TADA2B: variants seen among roughly 807,000 people sequenced by gnomAD.
TADA2B encodes the protein transcriptional adaptor 2B, also known as transcriptional adapter 2-beta.
A neutral mutation model predicts 34.5 loss-of-function variants in TADA2B; 13 were observed. The observed-to-expected ratio is 0.38, with a 90% CI of 0.25 to 0.60. The LOEUF (loss-of-function observed/expected upper bound fraction) is 0.60. TADA2B is among the 20% of genes least tolerant of loss of function. TADA2B has a pLI of 0.65. For missense variants in TADA2B, 442 were observed against 575.0 expected, an observed-to-expected ratio of 0.77 and a Z score of 2.37; for synonymous variants, 240 against 243.4, an observed-to-expected ratio of 0.99 and a Z score of 0.13.
In TADA2B at chr4:7,054,287, T is replaced by G; in HGVS notation, c.496T>G (p.Tyr166Asp). The change falls in exon 2 of 2, where the codon TAC (tyrosine) becomes GAC (aspartate). Residue 166 changes from tyrosine (Y) to aspartate (D), a missense_variant. Coordinates refer to ENST00000310074, the MANE Select transcript of TADA2B (RefSeq NM_152293.3). ...ISVAEQQQLG[Y>D]MPLRDDYEIE... The stretch of plus-strand genomic sequence containing the variant: ...TGTGGCTGAGCAGCAGCAGCTGGGC[T>G]ACATGCCGCTGCGGGATGATTACGA... 6.2e-7 allele frequency: 1 copy of G among 1,613,072 alleles called. No individual in the cohort carries two copies. Among genetic ancestry groups the G allele is most frequent in the Non-Finnish European group, 8.5e-7 (1 of 1,179,774 alleles).
At chr4:7,049,880 G>A (rs1299729352) in intron 1 of TADA2B, among the ~76,000 whole-genome samples, 2 of 152,266 alleles carry the variant, frequency 1.3e-5, no homozygotes, top group Non-Finnish European at 2.9e-5. Flanking sequence ...GCTCTGTCCT[G>A]CCGCTAGCTG....
chr4:7,052,510 G>A (rs892570220), intron 1 of TADA2B, among the ~76,000 whole-genome samples: 1 of 152,224 alleles, frequency 6.6e-6, no homozygotes, highest in African/African-American at 2.4e-5. Context: ...AGGGGACTTC[G>A]CGCTCGCTGT....
At chr4:7,048,141 T>G (rs888519614) in intron 1 of TADA2B, among the ~76,000 whole-genome samples, 2 of 151,962 alleles carry the variant, frequency 1.3e-5, no homozygotes, top group Admixed American at 6.6e-5. Flanking sequence ...GAGGCCGAGG[T>G]CTGGAAATTT....
intron 1 of TADA2B, chr4:7,053,160 AATG>A (rs1485031572): frequency 6.6e-6 from 1 of 152,332 alleles, no homozygotes; most frequent in African/African-American, 2.4e-5. Flanking sequence ...GTGGCCAGGG[AATG>A]AGTGCGCACT....
Position 7,054,442 on chromosome 4 carries a change from G to A in TADA2B, c.651G>A (p.Gln217=). The change falls in exon 2 of 2, where the codon CAG becomes CAA. Residue 217 remains glutamine (Q), a synonymous_variant. Coordinates refer to ENST00000310074, the MANE Select transcript of TADA2B (RefSeq NM_152293.3). ...DMYVRKLKER[Q]RRKNIARDYN... ...ACGTGCGGAAGCTGAAAGAGAGACA[G>A]CGGCGGAAGAACATCGCCCGTGACT... is the stretch of plus-strand genomic sequence containing the variant. The A allele has an allele frequency of 6.2e-7, 1 of 1,613,728 alleles. No individual in the cohort carries two copies. Among genetic ancestry groups the A allele is most frequent in the African/African-American group, 1.3e-5 (1 of 75,056 alleles).
In TADA2B at chr4:7,054,590, T is replaced by G. The variant is rs766858303; in HGVS notation, c.799T>G (p.Ser267Ala). ...LKLRPLYQFM[S>A]CKEFDDLFEN... ...GCTGAGGCCGCTGTACCAGTTCATG[T>G]CATGCAAGGAGTTTGATGACCTTTT... is the stretch of plus-strand genomic sequence containing the variant. The change falls in exon 2 of 2, where the codon TCA becomes GCA. Residue 267 changes from serine to alanine, a missense_variant. This residue lies in a region of TADA2B where 222 missense variants were observed against 235.2 expected (regional missense o/e 0.94). Coordinates refer to ENST00000310074, the MANE Select transcript of TADA2B (RefSeq NM_152293.3). 5 of 1,613,882 alleles carry G rather than the reference T, an allele frequency of 3.1e-6. No individual in the cohort carries two copies. The highest frequency in any genetic ancestry group is 4.2e-6 in the Non-Finnish European group (5 of 1,179,886).
rs747444184 is a variant in TADA2B, at chr4:7,049,189, C to G, written c.271-4873C>G. Among the ~76,000 whole-genome samples the G allele has an allele frequency of 9.7e-4, 148 of 152,304 alleles. 1 individual carries two copies. In the Middle Eastern group the frequency reaches 0.01, roughly 11 times the overall value. On this transcript the variant is annotated intron_variant, in intron 1 of 1. Coordinates refer to ENST00000310074, the MANE Select transcript of TADA2B (RefSeq NM_152293.3). ...CACCTCCTGGGCTCAAGCGATCCTC[C>G]TACCTCAGCCTCTCAAGTAGCTGGG... is the stretch of plus-strand genomic sequence containing the variant.
chr4:7,054,399 G>A lies in TADA2B; in HGVS notation c.608G>A (p.Arg203His), dbSNP rs779180780. Residue 203 changes from arginine (R) to histidine (H), a missense_variant, in exon 2 of 2, where the codon CGC becomes CAC. Around this residue, in one of 4 missense-constraint regions of TADA2B, gnomAD observed 222 missense variants for 235.2 expected, o/e 0.94. Coordinates refer to ENST00000310074, the MANE Select transcript of TADA2B (RefSeq NM_152293.3). ...DDDDVEIELK[R>H]AHVDMYVRKL... is the part of the protein sequence containing the mutation. ...GACGACGTGGAGATCGAGCTGAAGC[G>A]CGCCCACGTGGACATGTACGTGCGG... 3.8e-5 allele frequency: 61 copies of A among 1,613,446 alleles called. No homozygotes were observed. Among genetic ancestry groups the A allele is most frequent in the Non-Finnish European group, 5.1e-5 (60 of 1,179,870 alleles).
intron 1 of TADA2B, among the ~76,000 whole-genome samples, chr4:7,052,610 G>T (rs1245639373): frequency 6.6e-6 from 1 of 152,198 alleles, no homozygotes; most frequent in Non-Finnish European, 1.5e-5. Context: ...TGACAGACCC[G>T]AGGCTCAGAG....
At position 7,043,735 on chromosome 4, in the gene TADA2B, G is replaced by A; in HGVS notation, c.156G>A (p.Gln52=). Residue 52 remains glutamine (Q), a synonymous_variant, in exon 1 of 2, where the codon CAG becomes CAA. Transcript: ENST00000310074. The part of the protein sequence containing the change: ...IGHHRRYHGY[Q]LVDGGRFTLW... ...ACCACCGCCGCTACCACGGCTACCA[G>A]CTGGTGGACGGCGGGCGCTTCACGC... 1 of 1,588,836 alleles carries A rather than the reference G, an allele frequency of 6.3e-7. No individual in the cohort carries two copies. The highest frequency in any genetic ancestry group is 1.3e-5 in the African/African-American group (1 of 74,162).
chr4:7,045,768 C>T (rs558633720), intron 1 of TADA2B: 3 of 152,388 alleles, frequency 2.0e-5, no homozygotes, highest in African/African-American at 7.2e-5. Context: ...ACCAGTTTGA[C>T]TTCAGAGCCT....
chr4:7,054,726 G>A lies in TADA2B; in HGVS notation c.935G>A (p.Arg312Gln), dbSNP rs762223816. The stretch of plus-strand genomic sequence containing the variant: ...GAGTCGGCAGAGTACGAGGCAGCGC[G>A]GCATAAACGGGAGAAGAGGAAGGAG... ...MEESAEYEAA[R>Q]HKREKRKENK... Residue 312 changes from arginine (R) to glutamine (Q), a missense_variant, in exon 2 of 2, where the codon CGG becomes CAG. This residue lies in a region of TADA2B where 114 missense variants were observed against 144.7 expected (regional missense o/e 0.79). Coordinates refer to ENST00000310074, the MANE Select transcript of TADA2B (RefSeq NM_152293.3). The A allele has an allele frequency of 4.3e-6, 7 of 1,613,884 alleles. No homozygotes were observed. Among genetic ancestry groups the A allele is most frequent in the Non-Finnish European group, 5.9e-6 (7 of 1,179,888 alleles).
Position 7,054,403 on chromosome 4 carries a change from C to T in TADA2B, c.612C>T (p.Ala204=), listed in dbSNP as rs567853124. 10 of 1,613,148 alleles carry T rather than the reference C, an allele frequency of 6.2e-6. No individual in the cohort carries two copies. In the African/African-American group the frequency reaches 1.2e-4, roughly 19 times the overall value. The change falls in exon 2 of 2, where the codon GCC becomes GCT. Residue 204 remains alanine, a synonymous_variant. Transcript: ENST00000310074. The stretch of plus-strand genomic sequence containing the variant: ...ACGTGGAGATCGAGCTGAAGCGCGC[C>T]CACGTGGACATGTACGTGCGGAAGC... The part of the protein sequence containing the change: ...DDDVEIELKR[A]HVDMYVRKLK...
chr4:7,046,569 G>A (rs955651201), intron 1 of TADA2B, among the ~76,000 whole-genome samples: 5 of 152,250 alleles, frequency 3.3e-5, no homozygotes, highest in African/African-American at 1.2e-4. Context: ...CATTCTGGGT[G>A]AGAGCATTAA....
At position 7,045,775 on chromosome 4, in the gene TADA2B, G is replaced by A. The variant is rs1203509895; in HGVS notation, c.270+1926G>A. Reference sequence around the variant, plus strand: ...TTGGACGGACCAGTTTGACTTCAGAGCCTGTACTCTTAACTTCACTGTCTG... The same window carrying A: ...TTGGACGGACCAGTTTGACTTCAGAACCTGTACTCTTAACTTCACTGTCTG... On this transcript the variant is annotated intron_variant, in intron 1 of 1. Transcript: ENST00000310074. 5 of 152,370 alleles carry A rather than the reference G, an allele frequency of 3.3e-5. No individual in the cohort carries two copies. The East Asian group carries it at 5.8e-4, about 18-fold the overall frequency. The allele number at this position is 152,370 out of a possible 1,614,324, so 9.4% of individuals were successfully genotyped here.
At chr4:7,052,531 C>G (rs1183602772) in intron 1 of TADA2B, among the ~76,000 whole-genome samples, 1 of 152,224 alleles carries the variant, frequency 6.6e-6, no homozygotes, top group Non-Finnish European at 1.5e-5. Flanking sequence ...GTGGGGCCCA[C>G]TCTGGCCCTG....
chr4:7,049,439 CAGTT>C (rs1560392932), intron 1 of TADA2B, among the ~76,000 whole-genome samples: 2 of 152,348 alleles, frequency 1.3e-5, no homozygotes, highest in Non-Finnish European at 1.5e-5. Flanking sequence ...ATCTCTGTCA[CAGTT>C]AGCCTTATCT....
At position 7,047,007 on chromosome 4, in the gene TADA2B, C is replaced by T. The variant is rs904848480; in HGVS notation, c.270+3158C>T. 5.9e-5 allele frequency among the ~76,000 whole-genome samples: 9 copies of T among 152,138 alleles called. 1 individual carries two copies. Among genetic ancestry groups the T allele is most frequent in the Admixed American group, 4.6e-4 (7 of 15,282 alleles). On this transcript the variant is annotated intron_variant, in intron 1 of 1. Coordinates refer to ENST00000310074, the MANE Select transcript of TADA2B (RefSeq NM_152293.3). ...GTTTGATAGCGAGGGGCAGAGAGAA[C>T]AGGTTAAAGGACCTTGGCTACAGTG...
chr4:7,045,007 A>G (rs1723591079), intron 1 of TADA2B: 2 of 152,146 alleles, frequency 1.3e-5, no homozygotes, highest in African/African-American at 2.4e-5. Flanking sequence ...TGGGATCTCC[A>G]TTTTTCAGAA....
Sources: gnomAD v4.1 joint callset for allele counts (sites outside exome capture counted in the v4.1 genomes callset) on GRCh38, gnomAD v4.1.1 for gene constraint, gnomAD v4.1.1 regional missense constraint, MANE v1.5 for transcripts, NCBI Gene and HGNC (gene_info 2026-07-23, HGNC 2026-07-21) for gene names.